SLC36A1: variants seen among roughly 807,000 people sequenced by gnomAD.
The protein encoded by SLC36A1 is proton-coupled amino acid transporter 1.
Under a neutral mutation model 47.5 loss-of-function variants are expected in SLC36A1, and 30 were observed. The observed-to-expected ratio is 0.63, with a 90% CI of 0.47 to 0.86. The LOEUF is 0.86. SLC36A1 is among the 40% of genes least tolerant of loss of function. The pLI, the probability that SLC36A1 is intolerant of heterozygous loss-of-function variation, is 0.00. For missense variants in SLC36A1, 517 were observed against 606.0 expected (o/e 0.85, Z 1.54); for synonymous variants, 255 against 249.7 (o/e 1.02, Z -0.20).
At chr5:151,537,977 CTG>C in the SLC36A1 span, 1 of 1,603,902 alleles carries the variant, frequency 6.2e-7, no homozygotes, top group Admixed American at 1.7e-5. Flanking sequence ...AAGAGGGAGA[CTG>C]TGGGGACTGC....
chr5:151,456,011 G>A (rs73270282), intron 1 of SLC36A1, among the ~76,000 whole-genome samples: 3,690 of 152,274 alleles, frequency 0.024, 158 homozygotes, highest in African/African-American at 0.085. Flanking sequence ...TTAACTCAAG[G>A]GGGGAGTGAC....
intron 8 of SLC36A1, among the ~76,000 whole-genome samples, chr5:151,474,716 A>G (rs532054920): frequency 2.0e-5 from 3 of 152,196 alleles, no homozygotes; most frequent in Non-Finnish European, 4.4e-5. Flanking sequence ...GATTTCACCA[A>G]ATGCTTTTCC....
upstream of SLC36A1, among the ~76,000 whole-genome samples, chr5:151,442,671 G>C (rs1581027186): frequency 6.6e-6 from 1 of 152,088 alleles, no homozygotes; most frequent in East Asian, 1.9e-4. Flanking sequence ...AGTAACCTCT[G>C]TTCTACTGTT....
the SLC36A1 span, among the ~76,000 whole-genome samples, chr5:151,367,922 G>T: frequency 2.0e-5 from 3 of 152,108 alleles, no homozygotes; most frequent in African/African-American, 7.2e-5. Flanking sequence ...GAATCTTTTG[G>T]CAGGGTGTTA....
At chr5:151,379,871 A>G in the SLC36A1 span, among the ~76,000 whole-genome samples, 13 of 152,238 alleles carry the variant, frequency 8.5e-5, no homozygotes, top group Non-Finnish European at 1.3e-4. Flanking sequence ...GTGGCTAGCA[A>G]CTATATTAAT....
the SLC36A1 span, among the ~76,000 whole-genome samples, chr5:151,407,211 G>A: frequency 3.9e-5 from 6 of 152,332 alleles, no homozygotes; most frequent in Middle Eastern, 3.4e-3. Context: ...AAGGGGACCC[G>A]AATGGGTTGC....
At chr5:151,381,746 C>T in the SLC36A1 span, among the ~76,000 whole-genome samples, 1 of 152,124 alleles carries the variant, frequency 6.6e-6, no homozygotes, top group African/African-American at 2.4e-5. Flanking sequence ...GCTTTGACTC[C>T]CTGTGATTTC....
At chr5:151,507,185 G>A in the SLC36A1 span, 32 of 1,602,006 alleles carry the variant, frequency 2.0e-5, no homozygotes, top group East Asian at 4.2e-4. Flanking sequence ...TTCTCTTAAT[G>A]ACAGGCTCAT....
chr5:151,489,772 T>G lies in SLC36A1; in HGVS notation c.*1518T>G, dbSNP rs149261197. The G allele has an allele frequency of 6.6e-6, 1 of 152,288 alleles. No individual in the cohort carries two copies. Among genetic ancestry groups the G allele is most frequent in the African/African-American group, 2.4e-5 (1 of 41,556 alleles). 9.4% of individuals were successfully genotyped at this position (152,288 alleles called of 1,614,324 possible). A position where few individuals can be genotyped will look rare whatever the true frequency, so the allele number is the denominator to read the frequency against. On this transcript the variant is annotated 3_prime_UTR_variant, in exon 11 of 11. Coordinates refer to ENST00000243389, the MANE Select transcript of SLC36A1 (RefSeq NM_078483.4). The surrounding 1 kb of genome is among the most constrained non-coding windows in gnomAD (Gnocchi z 4.5). ...AGGCCATTGATGAATTCCCCCTCTT[T>G]AGCTGTGTATTTGTGCACGTGTGTG...
chr5:151,479,366 A>G lies in SLC36A1; in HGVS notation c.1036A>G (p.Thr346Ala). The G allele has an allele frequency of 6.2e-7, 1 of 1,614,102 alleles. No homozygotes were observed. Among genetic ancestry groups the G allele is most frequent in the African/African-American group, 1.3e-5 (1 of 74,990 alleles). Residue 346 changes from threonine (T) to alanine (A), a missense_variant, in exon 10 of 11, where the codon ACC becomes GCC. Coordinates refer to ENST00000243389, the MANE Select transcript of SLC36A1 (RefSeq NM_078483.4). ...GCTGTACTCCATCGGGATCTTTTTC[A>G]CCTACGCACTCCAGTTCTACGTCCC... The part of the protein sequence containing the change: ...KLLYSIGIFF[T>A]YALQFYVPAE...
the SLC36A1 span, among the ~76,000 whole-genome samples, chr5:151,408,439 G>A: frequency 6.6e-6 from 1 of 151,982 alleles, no homozygotes; most frequent in South Asian, 2.1e-4. Context: ...TGCCCGCCTC[G>A]GCCTCCTAAA....
At chr5:151,367,335 A>G in the SLC36A1 span, among the ~76,000 whole-genome samples, 3 of 141,530 alleles carry the variant, frequency 2.1e-5, no homozygotes, top group Non-Finnish European at 4.6e-5. Flanking sequence ...CAGAGCGGCC[A>G]TTTATAGACC....
the SLC36A1 span, among the ~76,000 whole-genome samples, chr5:151,502,608 C>T: frequency 4.7e-5 from 7 of 147,940 alleles, no homozygotes; most frequent in East Asian, 1.9e-4. Flanking sequence ...GATACCGCAC[C>T]GCACACCCAT....
chr5:151,372,373 A>G, the SLC36A1 span, among the ~76,000 whole-genome samples: 3 of 152,228 alleles, frequency 2.0e-5, no homozygotes, highest in Non-Finnish European at 4.4e-5. Flanking sequence ...AGAGAGATGG[A>G]AATCATACAA....
chr5:151,413,755 A>G, the SLC36A1 span, among the ~76,000 whole-genome samples: 1 of 152,118 alleles, frequency 6.6e-6, no homozygotes, highest in Non-Finnish European at 1.5e-5. Context: ...CACTCAAGAG[A>G]CATCATAAAA....
the SLC36A1 span, among the ~76,000 whole-genome samples, chr5:151,429,304 T>A: frequency 3.3e-5 from 5 of 151,362 alleles, no homozygotes; most frequent in Admixed American, 6.6e-5. Context: ...CCCATTAAAT[T>A]GTCATTTAGC....
chr5:151,515,795 CCTAT>C, the SLC36A1 span, among the ~76,000 whole-genome samples: 13 of 152,194 alleles, frequency 8.5e-5, no homozygotes, highest in Admixed American at 8.5e-4. Context: ...TCTCTCTGCT[CCTAT>C]CTTTGTTTCT....
chr5:151,363,472 G>A, the SLC36A1 span, among the ~76,000 whole-genome samples: 1 of 152,020 alleles, frequency 6.6e-6, no homozygotes, highest in Non-Finnish European at 1.5e-5. Context: ...TGAGTTCTGG[G>A]ATATCACTGG....
intron 1 of SLC36A1, among the ~76,000 whole-genome samples, chr5:151,456,633 A>G (rs72798315): frequency 0.028 from 4,306 of 152,250 alleles, 79 homozygotes; most frequent in Non-Finnish European, 0.04. Context: ...CTCATGAGTA[A>G]ATGAAGCTCT....
Sources: allele counts gnomAD v4.1 joint callset (sites outside exome capture counted in the v4.1 genomes callset), GRCh38; gene constraint gnomAD v4.1.1; non-coding constraint Gnocchi (gnomAD v3.1); transcripts MANE v1.5; gene names NCBI Gene and HGNC (gene_info 2026-07-23, HGNC 2026-07-21).